Variants in ATF6 observed in about 807,000 individuals in gnomAD.
ATF6 encodes the protein cyclic AMP-dependent transcription factor ATF-6 alpha.
A neutral mutation model predicts 83.6 loss-of-function variants in ATF6; 53 were observed. The ratio of observed to expected loss-of-function variants is 0.63; its 90% CI spans 0.51 to 0.80. The LOEUF (loss-of-function observed/expected upper bound fraction) is 0.80, where lower values mean the gene tolerates loss of function less well. ATF6 is among the 30% of genes least tolerant of loss of function. The probability of loss-of-function intolerance (pLI) is 0.00; values close to 1 mark genes in which losing one functional copy is unlikely to be tolerated. For missense variants in ATF6, 744 were observed against 797.9 expected, an observed-to-expected ratio of 0.93 and a Z score of 0.81; for synonymous variants, 288 against 285.8, an observed-to-expected ratio of 1.01 and a Z score of -0.08.
At chr1:161,899,019 T>C (rs2101877515) in intron 14 of ATF6, among the ~76,000 whole-genome samples, 1 of 152,298 alleles carries the variant, frequency 6.6e-6, no homozygotes, top group African/African-American at 2.4e-5. Context: ...AAATCGTTTC[T>C]CCCCTTTCTT....
At chr1:161,926,804 A>G (rs1052421698) in intron 15 of ATF6, among the ~76,000 whole-genome samples, 3 of 151,962 alleles carry the variant, frequency 2.0e-5, no homozygotes, top group Non-Finnish European at 1.5e-5. Flanking sequence ...AGGGCAGAAC[A>G]CTCCACCTAG....
chr1:161,839,030 A>C (rs1332497793), intron 9 of ATF6, among the ~76,000 whole-genome samples: 1 of 152,208 alleles, frequency 6.6e-6, no homozygotes, highest in Non-Finnish European at 1.5e-5. Flanking sequence ...ATTGAAAGTT[A>C]ACATAATGTT....
At chr1:161,881,307 G>A (rs1253474101) in intron 14 of ATF6, among the ~76,000 whole-genome samples, 3 of 152,070 alleles carry the variant, frequency 2.0e-5, no homozygotes, top group Non-Finnish European at 4.4e-5. Context: ...TTTTACTGGG[G>A]AAGGTTCCAC....
chr1:161,915,954 T>C (rs1167944217), intron 15 of ATF6, among the ~76,000 whole-genome samples: 1 of 152,188 alleles, frequency 6.6e-6, no homozygotes, highest in Non-Finnish European at 1.5e-5. Context: ...TTACCTCTGG[T>C]GTAGGGAGAC....
At chr1:161,902,213 A>G (rs189875861) in intron 14 of ATF6, among the ~76,000 whole-genome samples, 3 of 152,306 alleles carry the variant, frequency 2.0e-5, no homozygotes, top group African/African-American at 7.2e-5. Context: ...AGTGGTATTG[A>G]AAAAAGTGGG....
chr1:161,842,490 A>G (rs984129173), intron 9 of ATF6, among the ~76,000 whole-genome samples: 2 of 148,538 alleles, frequency 1.3e-5, no homozygotes, highest in African/African-American at 5.0e-5. Flanking sequence ...ACAAGTGGAT[A>G]AAGAAACTGT....
At chr1:161,851,233 A>ACAC in intron 10 of ATF6, among the ~76,000 whole-genome samples, 1 of 75,488 alleles carries the variant, frequency 1.3e-5, no homozygotes, top group Admixed American at 1.3e-4. Flanking sequence ...CCCTATCCTT[A>ACAC]ACACACACAC....
Position 161,863,297 on chromosome 1 carries a change from T to C in ATF6, c.1704T>C (p.Val568=). 1 of 1,610,236 alleles carries C rather than the reference T, an allele frequency of 6.2e-7. No individual in the cohort carries two copies. The highest frequency in any genetic ancestry group is 8.5e-7 in the Non-Finnish European group (1 of 1,176,562). Residue 568 remains valine (V), a synonymous_variant, in exon 14 of 16, where the codon GTT becomes GTC. Transcript: ENST00000367942. ...GCAGAAGGGGAGACACATTTTATGT[T>C]GTGTCATTTCGAAGGGTAAGTTCAT... ...AIRRRGDTFY[V]VSFRRDHLLL...
intron 14 of ATF6, among the ~76,000 whole-genome samples, chr1:161,870,872 T>C (rs1687109318): frequency 6.6e-6 from 1 of 151,732 alleles, no homozygotes. Context: ...ATCTGAGTCA[T>C]GATAATTTTT....
At chr1:161,787,530 C>T (rs1684772145) in intron 4 of ATF6, among the ~76,000 whole-genome samples, 1 of 152,142 alleles carries the variant, frequency 6.6e-6, no homozygotes. Flanking sequence ...GGCCGCCTGC[C>T]ATATCAGTGC....
intron 5 of ATF6, among the ~76,000 whole-genome samples, chr1:161,791,823 G>A (rs1208873803): frequency 6.6e-6 from 1 of 152,168 alleles, no homozygotes; most frequent in Non-Finnish European, 1.5e-5. Context: ...ACTGAATGGA[G>A]CTATGACATT....
chr1:161,781,176 G>T (rs764707485), intron 2 of ATF6, among the ~76,000 whole-genome samples: 5 of 152,190 alleles, frequency 3.3e-5, no homozygotes, highest in African/African-American at 1.2e-4. Context: ...GTATAAGGTG[G>T]TTATCTGGAT....
chr1:161,776,355 A>G (rs972000601), intron 1 of ATF6, among the ~76,000 whole-genome samples: 16 of 151,836 alleles, frequency 1.1e-4, no homozygotes, highest in African/African-American at 3.6e-4. Flanking sequence ...ACACCATCCT[A>G]TTTCCTTGGA....
intron 4 of ATF6, among the ~76,000 whole-genome samples, chr1:161,788,630 C>T (rs1485935821): frequency 6.6e-6 from 1 of 151,968 alleles, no homozygotes; most frequent in Admixed American, 6.6e-5. Flanking sequence ...TTTTAGAGCA[C>T]AGAGGTATTC....
At chr1:161,805,498 G>A (rs952412635) in intron 7 of ATF6, among the ~76,000 whole-genome samples, 4 of 152,044 alleles carry the variant, frequency 2.6e-5, no homozygotes, top group Non-Finnish European at 5.9e-5. Context: ...TTTTTTGGTA[G>A]AAATTTTGAC....
intron 9 of ATF6, among the ~76,000 whole-genome samples, chr1:161,824,120 CT>C (rs1685826448): frequency 6.6e-6 from 1 of 152,098 alleles, no homozygotes; most frequent in Non-Finnish European, 1.5e-5. Context: ...TTTCCTAACA[CT>C]GGATATTGTA....
chr1:161,917,096 C>T (rs1192176154), intron 15 of ATF6, among the ~76,000 whole-genome samples: 3 of 152,190 alleles, frequency 2.0e-5, no homozygotes, highest in Non-Finnish European at 4.4e-5. Flanking sequence ...TGGAACAGTA[C>T]CTGGTGTAGG....
At position 161,851,795 on chromosome 1, in the gene ATF6, C is replaced by T. The variant is rs764225071; in HGVS notation, c.1393C>T (p.Pro465Ser). Residue 465 changes from proline (P) to serine (S), a missense_variant, in exon 11 of 16, where the codon CCT becomes TCT. By Grantham distance (74) the Pro-to-Ser change is moderately conservative (BLOSUM62 -1). Coordinates refer to ENST00000367942, the MANE Select transcript of ATF6 (RefSeq NM_007348.4). ...TEEPLLYIPPPPCQPLINTTE... is the reference protein window; with the variant it reads ...TEEPLLYIPPSPCQPLINTTE... Reference sequence around the variant, plus strand: ...AGAACCATTGCTTTACATTCCTCCACCTCCTTGTCAGCCCCTAATTAACAC... The same window carrying T: ...AGAACCATTGCTTTACATTCCTCCATCTCCTTGTCAGCCCCTAATTAACAC... 1.2e-5 allele frequency: 19 copies of T among 1,613,854 alleles called. No individual in the cohort carries two copies. Among genetic ancestry groups the T allele is most frequent in the Non-Finnish European group, 1.5e-5 (18 of 1,179,784 alleles).
At chr1:161,896,623 C>T (rs912847505) in intron 14 of ATF6, among the ~76,000 whole-genome samples, 1 of 152,128 alleles carries the variant, frequency 6.6e-6, no homozygotes, top group South Asian at 2.1e-4. Flanking sequence ...GAACAGGAAT[C>T]GAACCTATTA....
Sources: gnomAD v4.1 joint callset for allele counts (sites outside exome capture counted in the v4.1 genomes callset) on GRCh38, gnomAD v4.1.1 for gene constraint, MANE v1.5 for transcripts, NCBI Gene and HGNC (gene_info 2026-07-23, HGNC 2026-07-21) for gene names.